GK: variants seen among roughly 807,000 people sequenced by gnomAD.
GK encodes glycerol kinase.
In GK, 9 loss-of-function variants were observed where a neutral mutation model predicts 56.4. That is an observed-to-expected ratio of 0.16 (90% CI 0.10 to 0.28). GK has a LOEUF of 0.28. GK is among the 10% of genes least tolerant of loss of function. The pLI is 1.00. For missense variants in GK, 161 were observed against 431.4 expected (o/e 0.37, Z 5.55); for synonymous variants, 104 against 144.1 (o/e 0.72, Z 1.99).
At chrX:30,654,008 G>A (rs1396774586) in intron 1 of GK, among the ~76,000 whole-genome samples, 1 of 112,569 alleles carries the variant, frequency 8.9e-6, no homozygotes, top group Non-Finnish European at 1.9e-5. Flanking sequence ...GACACAGGAC[G>A]TCCTTGGATG....
chrX:30,709,924 T>A, intron 13 of GK, among the ~76,000 whole-genome samples: 1 of 111,485 alleles, frequency 9.0e-6, no homozygotes, highest in Non-Finnish European at 1.9e-5. Flanking sequence ...ATAGTGATTT[T>A]AGCCTATTCC....
chrX:30,673,269 A>G (rs1311149332), intron 3 of GK, among the ~76,000 whole-genome samples: 1 of 112,261 alleles, frequency 8.9e-6, no homozygotes, highest in East Asian at 2.8e-4. Context: ...TCCGTAAATG[A>G]AAGACTTTGA....
In GK at chrX:30,730,664, G is replaced by A. The variant is rs1937311611; in HGVS notation, c.*1922G>A. 1 of 111,183 alleles carries A rather than the reference G, an allele frequency of 9.0e-6. No individual in the cohort carries two copies. Among genetic ancestry groups the A allele is most frequent in the Admixed American group, 9.6e-5 (1 of 10,370 alleles). 9.2% of individuals were successfully genotyped at this position (111,183 alleles called of 1,213,427 possible). On this transcript the variant is annotated 3_prime_UTR_variant, in exon 21 of 21. Transcript: ENST00000427190. The stretch of plus-strand genomic sequence containing the variant: ...AGTTGAAAGTTAAATTAAGAAAGAT[G>A]TTTCAGAGGCCGGGCACGGTGGCTG...
intron 8 of GK, 57 bp downstream of exon 8, chrX:30,696,740 A>G: frequency 1.1e-6 from 1 of 898,464 alleles, no homozygotes; most frequent in Non-Finnish European, 1.6e-6. Flanking sequence ...ACAAACAAAA[A>G]AAAACCTAAT....
At chrX:30,657,627 G>T (rs1932395121) in intron 1 of GK, among the ~76,000 whole-genome samples, 1 of 112,304 alleles carries the variant, frequency 8.9e-6, no homozygotes, top group African/African-American at 3.2e-5. Flanking sequence ...TCATAACTCT[G>T]TGATGTAGAT....
chrX:30,720,012 A>G lies in GK; in HGVS notation c.1153A>G (p.Ile385Val). 8.7e-7 allele frequency: 1 copy of G among 1,147,690 alleles called. No individual in the cohort carries two copies. Among genetic ancestry groups the G allele is most frequent in the East Asian group, 3.0e-5 (1 of 33,540 alleles). The allele number at this position is 1,147,690 out of a possible 1,213,427, so 94.6% of individuals were successfully genotyped here. Residue 385 changes from isoleucine (I) to valine (V), a missense_variant and splice_region_variant, in exon 16 of 21, where the codon ATA (isoleucine) becomes GTA (valine). Transcript: ENST00000427190. ...APYWEPSARG[I>V]ICGLTQFTNK... ...GAAAATCTTTGTGCGTATTTTTAGGATAATCTGTGGACTCACTCAGTTCAC... is the reference window on the plus strand; with the variant it reads ...GAAAATCTTTGTGCGTATTTTTAGGGTAATCTGTGGACTCACTCAGTTCAC...
intron 13 of GK, among the ~76,000 whole-genome samples, chrX:30,718,028 A>G (rs1018087772): frequency 8.0e-5 from 9 of 111,817 alleles, no homozygotes; most frequent in Non-Finnish European, 1.7e-4. Context: ...CAACTCTGAA[A>G]TATGTTTTTA....
At chrX:30,703,660 T>C (rs928975719) in intron 11 of GK, among the ~76,000 whole-genome samples, 1 of 111,508 alleles carries the variant, frequency 9.0e-6, no homozygotes, top group Non-Finnish European at 1.9e-5. Flanking sequence ...ATAAGTTCAG[T>C]ATAAAAATAG....
intron 10 of GK, 66 bp from the exon 11 acceptor site, chrX:30,700,772 T>C: frequency 1.4e-6 from 1 of 730,032 alleles, no homozygotes; most frequent in Non-Finnish European, 2.2e-6. Context: ...ATCCTATGGC[T>C]CTTCTAAAAA....
chrX:30,696,565 T>A, intron 7 of GK, 52 bp from the exon 8 acceptor site: 2 of 848,414 alleles, frequency 2.4e-6, no homozygotes, highest in Admixed American at 2.4e-5. Context: ...TATAAATGTT[T>A]CTAGATGTCT....
rs182551917 is a variant in GK at position 30,728,932 on chromosome X, A to T, written c.*190A>T. ...ATGCAGCAAAAAGAATGCTATAGAA[A>T]TATTTGGTGGTTTTTTTTTTTTTTA... On this transcript the variant is annotated 3_prime_UTR_variant, in exon 21 of 21. Transcript: ENST00000427190. 332 of 417,051 alleles carry T rather than the reference A, an allele frequency of 8.0e-4. No individual in the cohort carries two copies. The African/African-American group carries it at 8.6e-3, about 11-fold the overall frequency. The allele number at this position is 417,051 out of a possible 1,213,427, so 34.4% of individuals were successfully genotyped here.
intron 1 of GK, among the ~76,000 whole-genome samples, chrX:30,660,806 TTTC>T (rs1932697805): frequency 2.0e-5 from 2 of 99,727 alleles, no homozygotes; most frequent in Admixed American, 2.3e-4. Flanking sequence ...TTTTTTTTTC[TTTC>T]TTCTTTTTTT....
chrX:30,722,788 G>C (rs932662852), intron 18 of GK, among the ~76,000 whole-genome samples: 1 of 110,785 alleles, frequency 9.0e-6, no homozygotes, highest in East Asian at 2.8e-4. Context: ...TGAAGAGAGA[G>C]GGGGGGATAG....
chrX:30,720,127 A>G (rs752888275), intron 16 of GK, 32 bp downstream of exon 16: 1 of 891,582 alleles, frequency 1.1e-6, no homozygotes, highest in East Asian at 3.1e-5. Flanking sequence ...TCTTGTACTT[A>G]GTTCACTTTT....
Position 30,719,871 on chromosome X carries a change from T to C in GK, c.1152-140T>C. 6.0e-6 allele frequency: 3 copies of C among 499,966 alleles called. No homozygotes were observed. In the Middle Eastern group the frequency reaches 1.7e-3, roughly 280 times the overall value. The allele number at this position is 499,966 out of a possible 1,213,427, so 41.2% of individuals were successfully genotyped here. A position where few individuals can be genotyped will look rare whatever the true frequency, so the allele number is the denominator to read the frequency against. ...GCAGAATTGTGAAATATAAGGACTT[T>C]CTGAGTTACTTAATGATTATGTCCA... On this transcript the variant is annotated intron_variant, in intron 15 of 20. Coordinates refer to ENST00000427190, the MANE Select transcript of GK (RefSeq NM_001205019.2).
chrX:30,697,723 T>A lies in GK; in HGVS notation c.730-9T>A. ...TTCTATCCTTCTCTCTCCCCCTTGC[T>A]GACTATAGAAAATCTCTCATAGCGT... On this transcript the variant is annotated splice_polypyrimidine_tract_variant and intron_variant, in intron 8 of 20. Coordinates refer to ENST00000427190, the MANE Select transcript of GK (RefSeq NM_001205019.2). The A allele has an allele frequency of 8.7e-7, 1 of 1,150,287 alleles. No individual in the cohort carries two copies. The allele number at this position is 1,150,287 out of a possible 1,213,427, so 94.8% of individuals were successfully genotyped here.
intron 11 of GK, among the ~76,000 whole-genome samples, chrX:30,706,416 G>T (rs1014390422): frequency 8.9e-6 from 1 of 111,955 alleles, no homozygotes. Flanking sequence ...TCTTTCAGTT[G>T]CTGGAATGTC....
At chrX:30,680,039 T>C (rs780026995) in intron 4 of GK, among the ~76,000 whole-genome samples, 20 of 111,828 alleles carry the variant, frequency 1.8e-4, no homozygotes, top group Non-Finnish European at 3.2e-4. Context: ...TTGAAGCGTA[T>C]ATTGGATTGC....
intron 1 of GK, among the ~76,000 whole-genome samples, chrX:30,662,883 C>CT (rs1273701087): frequency 3.9e-5 from 2 of 51,484 alleles, no homozygotes; most frequent in African/African-American, 1.9e-4. Context: ...TTCTTTCTTT[C>CT]TTTCTTTCTT....
Sources: gnomAD v4.1 joint callset for allele counts (sites outside exome capture counted in the v4.1 genomes callset) on GRCh38, gnomAD v4.1.1 for gene constraint, MANE v1.5 for transcripts, NCBI Gene and HGNC (gene_info 2026-07-23, HGNC 2026-07-21) for gene names.